Variants in SLC44A5 observed in about 807,000 individuals in gnomAD.
The protein encoded by SLC44A5 is solute carrier family 44 member 5.
A neutral mutation model predicts 101.8 loss-of-function variants in SLC44A5; 57 were observed. The ratio of observed to expected loss-of-function variants is 0.56; its 90% confidence interval spans 0.45 to 0.70. The LOEUF (loss-of-function observed/expected upper bound fraction) is 0.70, where lower values mean the gene tolerates loss of function less well. Ranked by LOEUF, SLC44A5 falls within the 30% of genes least tolerant of loss-of-function variation. The pLI is 0.00. For missense variants in SLC44A5, 737 were observed against 853.1 expected (o/e 0.86, Z 1.70); for synonymous variants, 281 against 290.9 (o/e 0.97, Z 0.35).
chr1:75,285,782 G>A (rs1201200426), intron 5 of SLC44A5, among the ~76,000 whole-genome samples: 2 of 152,010 alleles, frequency 1.3e-5, no homozygotes, highest in Non-Finnish European at 2.9e-5. Context: ...ATGGTTTTGA[G>A]AGTTCCTTTA....
intron 16 of SLC44A5, 64 bp downstream of exon 16, chr1:75,219,193 A>G (rs780733342): frequency 1.2e-5 from 14 of 1,158,182 alleles, no homozygotes; most frequent in Non-Finnish European, 1.6e-5. Context: ...TACCACAACT[A>G]CAAAATGAAT....
At position 75,270,820 on chromosome 1, in the gene SLC44A5, G is replaced by A. The variant is rs74096317; in HGVS notation, c.260+4138C>T. Among the ~76,000 whole-genome samples the A allele has an allele frequency of 6.6e-3, 997 of 152,138 alleles. 8 individuals are homozygous for A. The highest frequency in any genetic ancestry group is 0.023 in the African/African-American group (942 of 41,528). On this transcript the variant is annotated intron_variant, in intron 6 of 23. Transcript: ENST00000370859. ...TTTAATGAACATGTTTGTATTAAGC[G>A]AAGCCTATCTTTGAAAGATCATTAT...
the SLC44A5 span, among the ~76,000 whole-genome samples, chr1:75,708,222 G>A: frequency 1.0e-5 from 1 of 99,154 alleles, no homozygotes; most frequent in African/African-American, 3.6e-5. Context: ...GACCAGCCTG[G>A]CAACATGGGG....
At chr1:75,557,507 C>A (rs1025142038) in intron 1 of SLC44A5, among the ~76,000 whole-genome samples, 12 of 152,096 alleles carry the variant, frequency 7.9e-5, no homozygotes, top group African/African-American at 2.9e-4. Context: ...AGCACCAGTT[C>A]CTGAATGTCT....
Position 75,590,024 on chromosome 1 carries a change from T to G in SLC44A5, c.-70+21016A>C, listed in dbSNP as rs1336742295. ...AACTCCACAACCTGTAGGCAAGTCC[T>G]AGGGATGAAATAGGCCCAGAGACAG... On this transcript the variant is annotated intron_variant, in intron 1 of 23. Coordinates refer to ENST00000370859, the MANE Select transcript of SLC44A5 (RefSeq NM_001130058.2). Among the ~76,000 whole-genome samples, 4 of 152,004 alleles carry G rather than the reference T, an allele frequency of 2.6e-5. No individual in the cohort carries two copies. In the East Asian group the frequency reaches 7.8e-4, roughly 29 times the overall value.
At chr1:75,573,124 T>C (rs1312317986) in intron 1 of SLC44A5, among the ~76,000 whole-genome samples, 1 of 46,102 alleles carries the variant, frequency 2.2e-5, no homozygotes, top group Non-Finnish European at 3.4e-5. Context: ...CAAGGCTCCA[T>C]CTCAAAAAAA....
At chr1:75,516,991 T>G (rs1266834180) in intron 2 of SLC44A5, among the ~76,000 whole-genome samples, 1 of 152,156 alleles carries the variant, frequency 6.6e-6, no homozygotes, top group African/African-American at 2.4e-5. Context: ...AACTAGCCTA[T>G]TTTTAGAGGT....
At chr1:75,574,253 A>G (rs1295276894) in intron 1 of SLC44A5, among the ~76,000 whole-genome samples, 2 of 152,208 alleles carry the variant, frequency 1.3e-5, no homozygotes, top group Non-Finnish European at 2.9e-5. Context: ...ACTGCATTGC[A>G]GTAATATAGT....
At position 75,215,201 on chromosome 1, in the gene SLC44A5, A is replaced by G. The variant is rs541245403; in HGVS notation, c.1729-523T>C. ...GCTACTGTGATAACAAGCAAATGTC[A>G]TAAGGTTATACTGTAGCTTTCTAAA... On this transcript the variant is annotated intron_variant, in intron 19 of 23. Transcript: ENST00000370859. Among the ~76,000 whole-genome samples the G allele has an allele frequency of 3.3e-5, 5 of 152,266 alleles. No homozygotes were observed. In the East Asian group the frequency reaches 9.6e-4, roughly 29 times the overall value.
At chr1:75,655,441 C>T in the SLC44A5 span, among the ~76,000 whole-genome samples, 1 of 152,212 alleles carries the variant, frequency 6.6e-6, no homozygotes, top group Admixed American at 6.5e-5. Flanking sequence ...GCTTCACTAC[C>T]AGCTTCCTAA....
chr1:75,400,782 C>T (rs1662428963), intron 2 of SLC44A5, among the ~76,000 whole-genome samples: 1 of 152,182 alleles, frequency 6.6e-6, no homozygotes, highest in South Asian at 2.1e-4. Context: ...TCTTAGAGCT[C>T]CAAATCTCTG....
At chr1:75,574,784 A>G (rs1474356048) in intron 1 of SLC44A5, among the ~76,000 whole-genome samples, 1 of 152,214 alleles carries the variant, frequency 6.6e-6, no homozygotes, top group African/African-American at 2.4e-5. Flanking sequence ...TGAGAAAATT[A>G]TTTCAACAAT....
chr1:75,258,562 G>A (rs554714694), intron 6 of SLC44A5, among the ~76,000 whole-genome samples: 1 of 152,230 alleles, frequency 6.6e-6, no homozygotes, highest in Non-Finnish European at 1.5e-5. Context: ...AACTCCCTGG[G>A]ACAGAGCACC....
At chr1:75,434,323 A>G (rs1267330087) in intron 2 of SLC44A5, among the ~76,000 whole-genome samples, 1 of 152,100 alleles carries the variant, frequency 6.6e-6, no homozygotes, top group African/African-American at 2.4e-5. Context: ...CTATTGTCCT[A>G]GCTTAAATTT....
intron 3 of SLC44A5, among the ~76,000 whole-genome samples, chr1:75,385,509 A>G (rs1190225745): frequency 1.3e-5 from 2 of 152,126 alleles, no homozygotes; most frequent in African/African-American, 4.8e-5. Context: ...CTAAACCAGG[A>G]AGAAGTTGAA....
the SLC44A5 span, among the ~76,000 whole-genome samples, chr1:75,715,238 C>A: frequency 6.6e-6 from 1 of 152,080 alleles, no homozygotes; most frequent in African/African-American, 2.4e-5. Context: ...TTTACAGATT[C>A]AATGCTATTC....
intron 5 of SLC44A5, among the ~76,000 whole-genome samples, chr1:75,281,507 G>A (rs1465188723): frequency 6.6e-6 from 1 of 151,932 alleles, no homozygotes; most frequent in Non-Finnish European, 1.5e-5. Flanking sequence ...TAAGTATCAA[G>A]CAGCCAGATG....
chr1:75,502,464 G>A (rs1006778703), intron 2 of SLC44A5, among the ~76,000 whole-genome samples: 1 of 152,192 alleles, frequency 6.6e-6, no homozygotes, highest in African/African-American at 2.4e-5. Context: ...GTCATTTACA[G>A]TGCCAACTAC....
At chr1:75,306,866 C>A (rs1654950823) in intron 4 of SLC44A5, among the ~76,000 whole-genome samples, 1 of 151,544 alleles carries the variant, frequency 6.6e-6, no homozygotes, top group South Asian at 2.1e-4. Flanking sequence ...TCCCGAGTAG[C>A]TGGGACTACA....
Sources: allele counts gnomAD v4.1 joint callset (sites outside exome capture counted in the v4.1 genomes callset), GRCh38; gene constraint gnomAD v4.1.1; transcripts MANE v1.5; gene names NCBI Gene and HGNC (gene_info 2026-07-23, HGNC 2026-07-21).